Variants in DIP2B observed in about 807,000 individuals in gnomAD.
DIP2B encodes the protein disco-interacting protein 2 homolog B.
DIP2B carries 76 observed loss-of-function variants against 198.0 expected under a neutral mutation model. The ratio of observed to expected loss-of-function variants is 0.38; its 90% confidence interval spans 0.32 to 0.46. The LOEUF is 0.46. DIP2B is among the 20% of genes least tolerant of loss of function. The pLI is 0.99. For missense variants in DIP2B, 1,559 were observed against 1,978.4 expected, an observed-to-expected ratio of 0.79 and a Z score of 4.02; for synonymous variants, 701 against 739.1, an observed-to-expected ratio of 0.95 and a Z score of 0.84.
At chr12:50,559,375 G>C (rs1033089075) in intron 1 of DIP2B, among the ~76,000 whole-genome samples, 7 of 149,014 alleles carry the variant, frequency 4.7e-5, no homozygotes, top group African/African-American at 1.7e-4. Context: ...AAGATTCAAG[G>C]GTAGATATTT....
chr12:50,731,114 T>C (rs1940034055), intron 30 of DIP2B, among the ~76,000 whole-genome samples: 1 of 152,254 alleles, frequency 6.6e-6, no homozygotes, highest in South Asian at 2.1e-4. Flanking sequence ...AGTATCATCT[T>C]GACCATATTA....
At chr12:50,603,379 C>T (rs1249287725) in intron 1 of DIP2B, among the ~76,000 whole-genome samples, 2 of 151,944 alleles carry the variant, frequency 1.3e-5, no homozygotes, top group East Asian at 1.9e-4. Flanking sequence ...AAGAAATGGA[C>T]GCTTGGTTTA....
intron 1 of DIP2B, among the ~76,000 whole-genome samples, chr12:50,505,602 A>G (rs554048042): frequency 7.9e-5 from 12 of 152,196 alleles, no homozygotes; most frequent in African/African-American, 2.9e-4. Context: ...GGTGGCTGAC[A>G]GCTTTCTCCT....
At position 50,741,492 on chromosome 12, in the gene DIP2B, T is replaced by C. The variant is rs1866422; in HGVS notation, c.4431T>C (p.Ile1477=). 1,603,343 of 1,614,150 alleles carry C rather than the reference T, an allele frequency of 0.99. 796,883 individuals carry two copies. Among genetic ancestry groups the C allele is most frequent in the East Asian group, 1 (44,887 of 44,888 alleles). ...TGAGAGGATTACGATACCACCCAAT[T>C]GATATTGAGACCTCGGTGTCCCGGA... The part of the protein sequence containing the change: ...LELRGLRYHP[I]DIETSVSRIH... Residue 1477 remains isoleucine (I), a synonymous_variant, in exon 37 of 38, where the codon ATT becomes ATC. Coordinates refer to ENST00000301180, the MANE Select transcript of DIP2B (RefSeq NM_173602.3).
chr12:50,720,051 G>A (rs1047366501), intron 25 of DIP2B, among the ~76,000 whole-genome samples: 14 of 150,498 alleles, frequency 9.3e-5, no homozygotes, highest in South Asian at 2.1e-4. Context: ...CTGCCTCAGC[G>A]TCCCGAGTAG....
chr12:50,521,167 C>T (rs1050068168), intron 1 of DIP2B, among the ~76,000 whole-genome samples: 2 of 139,578 alleles, frequency 1.4e-5, no homozygotes, highest in Non-Finnish European at 3.0e-5. Context: ...AGTACAGTGG[C>T]GCGATGTCAG....
chr12:50,649,117 G>A (rs1322572892), intron 3 of DIP2B, among the ~76,000 whole-genome samples: 1 of 152,136 alleles, frequency 6.6e-6, no homozygotes, highest in East Asian at 1.9e-4. Flanking sequence ...CCTAATAAGT[G>A]GAAAGAGATC....
At chr12:50,516,806 C>T (rs1040416465) in intron 1 of DIP2B, among the ~76,000 whole-genome samples, 1 of 151,956 alleles carries the variant, frequency 6.6e-6, no homozygotes, top group African/African-American at 2.4e-5. Context: ...GAAACCCTAT[C>T]AGTACTAAAA....
chr12:50,643,143 A>G (rs1380538968), intron 3 of DIP2B, among the ~76,000 whole-genome samples: 1 of 152,054 alleles, frequency 6.6e-6, no homozygotes, highest in Non-Finnish European at 1.5e-5. Flanking sequence ...GATTTTCAAT[A>G]TTCTATATCC....
intron 7 of DIP2B, 79 bp downstream of exon 7, chr12:50,675,527 G>T: frequency 7.4e-7 from 1 of 1,353,976 alleles, no homozygotes; most frequent in East Asian, 2.6e-5. Flanking sequence ...GGTACTGTAG[G>T]GTTAAAGAAT....
In DIP2B at chr12:50,625,854, C is replaced by A. The variant is rs1266278418; in HGVS notation, c.101-122C>A. ...CCTTGGCAAAGAACCATACATTCCCCCCCCCAACCCCCTGCCTCTATATGG... is the reference window on the plus strand; with the variant it reads ...CCTTGGCAAAGAACCATACATTCCCACCCCCAACCCCCTGCCTCTATATGG... On this transcript the variant is annotated intron_variant, in intron 1 of 37. Transcript: ENST00000301180. The A allele has an allele frequency of 3.9e-6, 4 of 1,018,094 alleles. No individual in the cohort carries two copies. The Admixed American group carries it at 6.6e-5, about 17-fold the overall frequency. The allele number at this position is 1,018,094 out of a possible 1,614,324, so 63.1% of individuals were successfully genotyped here.
At chr12:50,520,029 A>C (rs1211088233) in intron 1 of DIP2B, among the ~76,000 whole-genome samples, 2 of 141,444 alleles carry the variant, frequency 1.4e-5, no homozygotes, top group African/African-American at 2.5e-5. Context: ...CTTGTCATTG[A>C]ATCTCCTTTT....
chr12:50,738,311 G>C (rs1380099240), intron 35 of DIP2B, among the ~76,000 whole-genome samples: 1 of 151,924 alleles, frequency 6.6e-6, no homozygotes, highest in Non-Finnish European at 1.5e-5. Context: ...CCTGATGACA[G>C]AGCAAGACTC....
intron 1 of DIP2B, among the ~76,000 whole-genome samples, chr12:50,624,187 A>C (rs1937886300): frequency 6.6e-6 from 1 of 152,124 alleles, no homozygotes; most frequent in Non-Finnish European, 1.5e-5. Flanking sequence ...ATGATTCCAA[A>C]TCTCTCTTTC....
chr12:50,521,094 G>GTT lies in DIP2B; in HGVS notation c.100+15878_100+15879dup, dbSNP rs386376482. 7.6e-3 allele frequency among the ~76,000 whole-genome samples: 718 copies of GTT among 94,264 alleles called. 6 individuals are homozygous for GTT. Among genetic ancestry groups the GTT allele is most frequent in the Non-Finnish European group, 0.011 (545 of 49,392 alleles). 61.8% of individuals were successfully genotyped at this position (94,264 alleles called of 152,430 possible). ...TAGACTATTGTTATATTCAGCAACAGTTTTTTTTTTTTTTTTTTTTTTTTT... is the reference window on the plus strand; with the variant it reads ...TAGACTATTGTTATATTCAGCAACAGTTTTTTTTTTTTTTTTTTTTTTTTTTT... On this transcript the variant is annotated intron_variant, in intron 1 of 37. Transcript: ENST00000301180.
chr12:50,522,461 A>T (rs544629543), intron 1 of DIP2B, among the ~76,000 whole-genome samples: 4 of 152,184 alleles, frequency 2.6e-5, no homozygotes, highest in Non-Finnish European at 4.4e-5. Context: ...CAGGGCGCAC[A>T]CATACATACA....
chr12:50,628,757 A>G (rs1297123618), intron 2 of DIP2B, among the ~76,000 whole-genome samples: 1 of 152,096 alleles, frequency 6.6e-6, no homozygotes, highest in Non-Finnish European at 1.5e-5. Context: ...TATTTTCTCA[A>G]ATGCTCACTT....
chr12:50,634,559 T>C (rs1236059711), intron 2 of DIP2B, among the ~76,000 whole-genome samples: 1 of 152,172 alleles, frequency 6.6e-6, no homozygotes. Flanking sequence ...AGAACCTACC[T>C]GGCTTGCTCC....
intron 1 of DIP2B, among the ~76,000 whole-genome samples, chr12:50,588,516 G>A (rs898974160): frequency 2.0e-5 from 3 of 152,136 alleles, no homozygotes; most frequent in African/African-American, 7.2e-5. Flanking sequence ...TTAAAAAATT[G>A]ATGTGTAGTA....
Sources: gnomAD v4.1 joint callset for allele counts (sites outside exome capture counted in the v4.1 genomes callset) on GRCh38, gnomAD v4.1.1 for gene constraint, MANE v1.5 for transcripts, NCBI Gene and HGNC (gene_info 2026-07-23, HGNC 2026-07-21) for gene names.